The following GRIP1 variants were observed in gnomAD, a reference collection of about 807,000 sequenced individuals.
GRIP1 encodes the protein glutamate receptor interacting protein 1.
Under a neutral mutation model 129.9 loss-of-function variants are expected in GRIP1, and 45 were observed. That is an observed-to-expected ratio of 0.35 (90% CI 0.27 to 0.44). The LOEUF is 0.44. Among genes scored for constraint, GRIP1 ranks in the 20% least tolerant of loss-of-function variants. GRIP1 has a pLI of 1.00. For missense variants in GRIP1, 1,196 were observed against 1,396.8 expected, an observed-to-expected ratio of 0.86 and a Z score of 2.29; for synonymous variants, 530 against 520.8, an observed-to-expected ratio of 1.02 and a Z score of -0.24.
At chr12:66,456,380 A>C in intron 9 of GRIP1, 38 bp from the exon 10 acceptor site, 1 of 1,196,708 alleles carries the variant, frequency 8.4e-7, no homozygotes, top group Non-Finnish European at 1.1e-6. Flanking sequence ...TAAGAAAAAC[A>C]AACGAACAAA....
chr12:66,666,499 A>G (rs1476474031), intron 1 of GRIP1, among the ~76,000 whole-genome samples: 2 of 152,088 alleles, frequency 1.3e-5, no homozygotes, highest in African/African-American at 2.4e-5. Context: ...AATTTAATAC[A>G]TTATTAAAAT....
chr12:67,003,897 C>G (rs935313969), intron 1 of GRIP1, among the ~76,000 whole-genome samples: 1 of 152,132 alleles, frequency 6.6e-6, no homozygotes, highest in African/African-American at 2.4e-5. Flanking sequence ...GTTTTGGAGA[C>G]TAGAAGCCTG....
chr12:66,638,636 T>C (rs116802074), intron 1 of GRIP1, among the ~76,000 whole-genome samples: 1,996 of 152,336 alleles, frequency 0.013, 47 homozygotes, highest in African/African-American at 0.046. Context: ...TACTAATTAG[T>C]TTTTAGTAAG....
At chr12:66,612,766 T>C (rs1048882311) in intron 1 of GRIP1, among the ~76,000 whole-genome samples, 5 of 152,206 alleles carry the variant, frequency 3.3e-5, no homozygotes, top group African/African-American at 1.2e-4. Context: ...AACCTTGTTA[T>C]GCAGCATACC....
intron 1 of GRIP1, among the ~76,000 whole-genome samples, chr12:66,832,707 T>A (rs932327638): frequency 6.6e-6 from 1 of 152,200 alleles, no homozygotes; most frequent in Non-Finnish European, 1.5e-5. Flanking sequence ...TGCTTCTTTA[T>A]TTTCTGTTTC....
At chr12:66,696,377 T>C (rs960944676) in intron 1 of GRIP1, among the ~76,000 whole-genome samples, 5 of 151,938 alleles carry the variant, frequency 3.3e-5, no homozygotes, top group African/African-American at 4.8e-5. Context: ...TTAAGGACAG[T>C]GTAACAAAGA....
At chr12:66,421,897 T>G (rs556244749) in intron 14 of GRIP1, among the ~76,000 whole-genome samples, 3 of 152,154 alleles carry the variant, frequency 2.0e-5, no homozygotes, top group East Asian at 3.9e-4. Context: ...TTATAGTCCA[T>G]ATAAATACAA....
rs778516097 is a variant in GRIP1 at position 66,596,964 on chromosome 12, T to C, written c.56-37A>G. 2.2e-6 allele frequency: 3 copies of C among 1,375,464 alleles called. No homozygotes were observed. The Admixed American group carries it at 5.0e-5, about 23-fold the overall frequency. 85.2% of individuals were successfully genotyped at this position (1,375,464 alleles called of 1,614,324 possible). On this transcript the variant is annotated intron_variant, in intron 1 of 24. Coordinates refer to ENST00000359742, the MANE Select transcript of GRIP1 (RefSeq NM_001366722.1). ...CAATGAAGCGTTTGGTTAATTTCCA[T>C]CCAGTTTCTAATGCAGTGAAGATTT...
chr12:66,687,519 C>T (rs1291648573), intron 1 of GRIP1, among the ~76,000 whole-genome samples: 1 of 151,840 alleles, frequency 6.6e-6, no homozygotes, highest in African/African-American at 2.4e-5. Context: ...CCATGATGGG[C>T]CCTGGATGTA....
chr12:66,807,691 C>G (rs911558223), upstream of GRIP1, among the ~76,000 whole-genome samples: 3 of 151,946 alleles, frequency 2.0e-5, no homozygotes, highest in African/African-American at 7.3e-5. Context: ...CCCTCTCTCT[C>G]TTGCTCCTGC....
chr12:67,052,842 T>C (rs1478172940), intron 1 of GRIP1, among the ~76,000 whole-genome samples: 1 of 152,106 alleles, frequency 6.6e-6, no homozygotes, highest in Admixed American at 6.5e-5. Context: ...GAGTAGGTAT[T>C]ACTATGGTTA....
In GRIP1 at chr12:66,541,954, T is replaced by G; in HGVS notation, c.137-4A>C. The G allele has an allele frequency of 6.2e-7, 1 of 1,613,768 alleles. No homozygotes were observed. The highest frequency in any genetic ancestry group is 8.5e-7 in the Non-Finnish European group (1 of 1,179,632). ...ACTGTGGAGCCCTTGAATTCCTCTG[T>G]TAAAAGAAAAGCATTTGCCTTATTA... On this transcript the variant is annotated splice_region_variant and splice_polypyrimidine_tract_variant and intron_variant, in intron 2 of 24. Coordinates refer to ENST00000359742, the MANE Select transcript of GRIP1 (RefSeq NM_001366722.1).
At chr12:66,372,248 C>G in intron 22 of GRIP1, 1 of 426,942 alleles carries the variant, frequency 2.3e-6, no homozygotes, top group Non-Finnish European at 4.4e-6. Flanking sequence ...TTTAAGCATT[C>G]ACTTTCCACT....
At chr12:66,988,473 G>A (rs1462905990) in intron 1 of GRIP1, among the ~76,000 whole-genome samples, 1 of 151,952 alleles carries the variant, frequency 6.6e-6, no homozygotes, top group African/African-American at 2.4e-5. Flanking sequence ...TCTGCCTCCT[G>A]GGCTCAAGTG....
chr12:66,626,112 C>T (rs1043398034), intron 1 of GRIP1, among the ~76,000 whole-genome samples: 13 of 152,084 alleles, frequency 8.5e-5, no homozygotes, highest in Middle Eastern at 3.4e-3. Flanking sequence ...ATCAACTGAG[C>T]TCAGGAGTTG....
chr12:66,732,037 C>T (rs908026486), intron 1 of GRIP1, among the ~76,000 whole-genome samples: 2 of 152,104 alleles, frequency 1.3e-5, no homozygotes, highest in African/African-American at 4.8e-5. Context: ...TATCCAAATG[C>T]CTCTATATCA....
Position 67,022,322 on chromosome 12 carries a change from A to G in GRIP1, c.58+46728T>C, listed in dbSNP as rs1237019722. Among the ~76,000 whole-genome samples the G allele has an allele frequency of 2.6e-5, 4 of 152,286 alleles. No individual in the cohort carries two copies. The South Asian group carries it at 6.2e-4, about 24-fold the overall frequency. On this transcript the variant is annotated intron_variant, in intron 1 of 1. Transcript: ENST00000643019. ...CCTATCAACAGTTACACCACAGTTTATTTATGCATTCACCTATTGCTAGAC... is the reference window on the plus strand; with the variant it reads ...CCTATCAACAGTTACACCACAGTTTGTTTATGCATTCACCTATTGCTAGAC...
chr12:66,767,450 G>A (rs1281252375), intron 1 of GRIP1, among the ~76,000 whole-genome samples: 9 of 151,988 alleles, frequency 5.9e-5, no homozygotes, highest in Admixed American at 5.9e-4. Flanking sequence ...TATTTCAACT[G>A]AAAGGTCTGA....
intron 16 of GRIP1, among the ~76,000 whole-genome samples, chr12:66,405,143 A>G (rs1192481479): frequency 2.6e-5 from 4 of 152,230 alleles, no homozygotes; most frequent in Non-Finnish European, 5.9e-5. Flanking sequence ...ATTGCTATAA[A>G]TTCTTTAAAG....
Sources: allele counts gnomAD v4.1 joint callset (sites outside exome capture counted in the v4.1 genomes callset), GRCh38; gene constraint gnomAD v4.1.1; transcripts MANE v1.5; gene names NCBI Gene and HGNC (gene_info 2026-07-23, HGNC 2026-07-21).